FHIT: variants seen among roughly 807,000 people sequenced by gnomAD.
FHIT encodes fragile histidine triad diadenosine triphosphatase, also known as bis(5'-adenosyl)-triphosphatase.
Under a neutral mutation model 17.9 loss-of-function variants are expected in FHIT, and 19 were observed. That is an observed-to-expected ratio of 1.06 (90% CI 0.74 to 1.56). The LOEUF (loss-of-function observed/expected upper bound fraction) is 1.56. Ranked by LOEUF, FHIT falls within the 40% of genes most tolerant of loss-of-function variation. The pLI, the probability that FHIT is intolerant of heterozygous loss-of-function variation, is 0.00. For synonymous variants in FHIT, 81 were observed against 69.7 expected (o/e 1.16, Z -0.81); for missense variants, 248 against 189.2 (o/e 1.31, Z -1.82).
At chr3:60,963,028 G>A (rs1490017504) in intron 3 of FHIT, among the ~76,000 whole-genome samples, 9 of 152,134 alleles carry the variant, frequency 5.9e-5, no homozygotes, top group East Asian at 1.9e-4. Context: ...TTGTACCTCC[G>A]GTAGAATTCG....
chr3:59,919,797 C>T (rs910190609), intron 8 of FHIT, among the ~76,000 whole-genome samples: 11 of 152,186 alleles, frequency 7.2e-5, no homozygotes, highest in African/African-American at 2.4e-4. Flanking sequence ...AGCAAGTGCT[C>T]CCATCAATAT....
In FHIT at chr3:61,097,638, G is replaced by A. The variant is rs183339195; in HGVS notation, c.-163-55539C>T. Reference sequence around the variant, plus strand: ...GCTACTTTTTGACTTTTTAATAATAGCCATTTTGACTGGTGTGAGACTGTA... The same window carrying A: ...GCTACTTTTTGACTTTTTAATAATAACCATTTTGACTGGTGTGAGACTGTA... On this transcript the variant is annotated intron_variant, in intron 2 of 9. Transcript: ENST00000492590. Among the ~76,000 whole-genome samples the A allele has an allele frequency of 5.1e-4, 78 of 152,096 alleles. No homozygotes were observed. In the East Asian group the frequency reaches 0.014, roughly 28 times the overall value.
At chr3:60,116,109 A>C (rs1704948572) in intron 5 of FHIT, among the ~76,000 whole-genome samples, 1 of 152,200 alleles carries the variant, frequency 6.6e-6, no homozygotes, top group Non-Finnish European at 1.5e-5. Context: ...ACTATAGACT[A>C]GTGTACTATG....
chr3:60,477,890 G>A (rs762317819), intron 5 of FHIT, among the ~76,000 whole-genome samples: 2 of 152,122 alleles, frequency 1.3e-5, no homozygotes, highest in Admixed American at 6.6e-5. Context: ...CCTGTTCATA[G>A]TACGAATGAA....
At chr3:60,103,672 A>G (rs1704286040) in intron 5 of FHIT, among the ~76,000 whole-genome samples, 1 of 152,184 alleles carries the variant, frequency 6.6e-6, no homozygotes, top group African/African-American at 2.4e-5. Flanking sequence ...AGCCCTCCCA[A>G]AAGAATCTTT....
chr3:60,869,104 T>C (rs781976215), intron 3 of FHIT, among the ~76,000 whole-genome samples: 1 of 152,054 alleles, frequency 6.6e-6, no homozygotes, highest in Non-Finnish European at 1.5e-5. Context: ...CAGGAAGGAT[T>C]TGGAAAATTT....
Position 60,636,104 on chromosome 3 carries a change from G to A in FHIT, c.-17-99125C>T, listed in dbSNP as rs149717588. Among the ~76,000 whole-genome samples, 781 of 150,540 alleles carry A rather than the reference G, an allele frequency of 5.2e-3. 4 individuals are homozygous for A. The highest frequency in any genetic ancestry group is 8.8e-3 in the Non-Finnish European group (596 of 67,762). On this transcript the variant is annotated intron_variant, in intron 4 of 9. Transcript: ENST00000492590. ...TTTTGAGACAGAGTCTTGCTCTCTC[G>A]CCCAGACTGGAGTGCAGTGGCGCCA...
chr3:60,650,902 A>G (rs1354971135), intron 4 of FHIT, among the ~76,000 whole-genome samples: 1 of 152,180 alleles, frequency 6.6e-6, no homozygotes, highest in African/African-American at 2.4e-5. Flanking sequence ...TCAGCCAACA[A>G]AAAAACCACA....
intron 4 of FHIT, among the ~76,000 whole-genome samples, chr3:60,580,009 A>G (rs369525995): frequency 6.6e-6 from 1 of 152,148 alleles, no homozygotes; most frequent in Non-Finnish European, 1.5e-5. Flanking sequence ...GTGATGCTTA[A>G]GATAAATTTC....
intron 7 of FHIT, among the ~76,000 whole-genome samples, chr3:60,007,990 G>A (rs529295850): frequency 7.0e-4 from 106 of 152,234 alleles, no homozygotes; most frequent in African/African-American, 2.5e-3. Flanking sequence ...TCAGTATGCA[G>A]AGCTAGCATA....
intron 3 of FHIT, among the ~76,000 whole-genome samples, chr3:61,020,781 G>A (rs2032379937): frequency 6.6e-6 from 1 of 152,062 alleles, no homozygotes; most frequent in Non-Finnish European, 1.5e-5. Flanking sequence ...GCTATATTCA[G>A]GAGACCCATC....
At chr3:60,618,776 C>G (rs1187704054) in intron 4 of FHIT, among the ~76,000 whole-genome samples, 1 of 152,074 alleles carries the variant, frequency 6.6e-6, no homozygotes, top group Non-Finnish European at 1.5e-5. Flanking sequence ...GCTAAGGGTC[C>G]TTAAAAGTGG....
chr3:59,990,320 G>C (rs1227405516), intron 7 of FHIT, among the ~76,000 whole-genome samples: 1 of 152,040 alleles, frequency 6.6e-6, no homozygotes, highest in Non-Finnish European at 1.5e-5. Context: ...CAAGCACCAT[G>C]TTGGCCTCAA....
intron 2 of FHIT, among the ~76,000 whole-genome samples, chr3:61,165,417 G>A (rs547387417): frequency 1.3e-5 from 2 of 152,260 alleles, no homozygotes; most frequent in South Asian, 4.1e-4. Context: ...TCATATGTTT[G>A]TTGGCCACTT....
intron 4 of FHIT, among the ~76,000 whole-genome samples, chr3:60,604,184 G>A (rs2038534151): frequency 6.6e-6 from 1 of 152,130 alleles, no homozygotes; most frequent in African/African-American, 2.4e-5. Context: ...AAAGTGCACA[G>A]GTGAGTCTGG....
At position 60,176,978 on chromosome 3, in the gene FHIT, A is replaced by C. The variant is rs552304087; in HGVS notation, c.104-162826T>G. On this transcript the variant is annotated intron_variant, in intron 5 of 9. Coordinates refer to ENST00000492590, the MANE Select transcript of FHIT (RefSeq NM_002012.4). ...AGAAAGGCCAGAAATCCAAAGAGGA[A>C]GACCAGAAACAGGAAGAAAAAATAC... 7.0e-4 allele frequency among the ~76,000 whole-genome samples: 106 copies of C among 152,272 alleles called. No individual in the cohort carries two copies. In the South Asian group the frequency reaches 9.3e-3, roughly 13 times the overall value.
intron 5 of FHIT, among the ~76,000 whole-genome samples, chr3:60,388,063 A>C (rs1701080616): frequency 6.6e-6 from 1 of 152,162 alleles, no homozygotes; most frequent in African/African-American, 2.4e-5. Flanking sequence ...GCCCTACCAG[A>C]AGCAGATATT....
chr3:60,672,374 G>A (rs1377032024), intron 4 of FHIT, among the ~76,000 whole-genome samples: 3 of 151,468 alleles, frequency 2.0e-5, no homozygotes, highest in Non-Finnish European at 4.4e-5. Context: ...CAGTCAAAGG[G>A]GGTTTGTTCT....
Position 60,554,295 on chromosome 3 carries a change from A to G in FHIT, c.-17-17316T>C, listed in dbSNP as rs989131703. ...AACCCAAATCATGTTTTTCATGTGG[A>G]CTGTAATAGCAGAGACGAACTTACA... On this transcript the variant is annotated intron_variant, in intron 4 of 9. Transcript: ENST00000492590. Among the ~76,000 whole-genome samples, 41 of 151,886 alleles carry G rather than the reference A, an allele frequency of 2.7e-4. 1 individual carries two copies. Among genetic ancestry groups the G allele is most frequent in the Admixed American group, 5.2e-4 (8 of 15,242 alleles).
Sources: allele counts gnomAD v4.1 joint callset (sites outside exome capture counted in the v4.1 genomes callset), GRCh38; gene constraint gnomAD v4.1.1; transcripts MANE v1.5; gene names NCBI Gene and HGNC (gene_info 2026-07-23, HGNC 2026-07-21).